The following LCLAT1 variants were observed in gnomAD, a reference collection of about 807,000 sequenced individuals.
The protein encoded by LCLAT1 is lysocardiolipin acyltransferase 1, also known as 1-AGP acyltransferase 8.
In LCLAT1, 11 loss-of-function variants were observed where a neutral mutation model predicts 30.7. The ratio of observed to expected loss-of-function variants is 0.36; its 90% CI spans 0.23 to 0.59. The LOEUF (loss-of-function observed/expected upper bound fraction) is 0.59, where lower values mean the gene tolerates loss of function less well. Ranked by LOEUF, LCLAT1 falls within the 20% of genes least tolerant of loss-of-function variation. The probability of loss-of-function intolerance (pLI) is 0.77; values close to 1 mark genes in which losing one functional copy is unlikely to be tolerated. For synonymous variants in LCLAT1, 155 were observed against 151.3 expected, an observed-to-expected ratio of 1.02 and a Z score of -0.18; for missense variants, 402 against 458.6, an observed-to-expected ratio of 0.88 and a Z score of 1.13.
chr2:30,474,891 A>G (rs1035299390), intron 1 of LCLAT1, among the ~76,000 whole-genome samples: 8 of 152,008 alleles, frequency 5.3e-5, no homozygotes, highest in South Asian at 2.1e-4. Context: ...GGCTCAAGCA[A>G]TTCTCCCACC....
chr2:30,570,770 G>A (rs1216106261), intron 5 of LCLAT1, among the ~76,000 whole-genome samples: 1 of 152,218 alleles, frequency 6.6e-6, no homozygotes, highest in African/African-American at 2.4e-5. Context: ...CCAGAACACG[G>A]AGAGATGGTA....
At chr2:30,568,296 T>C (rs935551961) in intron 5 of LCLAT1, 120 bp downstream of exon 5, 20 of 545,504 alleles carry the variant, frequency 3.7e-5, no homozygotes, top group South Asian at 2.1e-4. Context: ...AAATGAGATA[T>C]TGTATTTTTA....
At chr2:30,555,839 C>CTTTTTTTT (rs67813132) in intron 3 of LCLAT1, among the ~76,000 whole-genome samples, 1 of 127,110 alleles carries the variant, frequency 7.9e-6, no homozygotes, top group Non-Finnish European at 1.6e-5. Context: ...TTTTCTTTTT[C>CTTTTTTTT]TTTTTTTTTT....
At chr2:30,537,253 C>T (rs1305435045) in intron 3 of LCLAT1, among the ~76,000 whole-genome samples, 10 of 151,910 alleles carry the variant, frequency 6.6e-5, no homozygotes, top group Admixed American at 2.0e-4. Context: ...CGGTGGCGGG[C>T]GCCTATAGTC....
chr2:30,505,070 A>G (rs1684590591), intron 1 of LCLAT1, among the ~76,000 whole-genome samples: 1 of 152,162 alleles, frequency 6.6e-6, no homozygotes, highest in African/African-American at 2.4e-5. Flanking sequence ...TGGATGTACC[A>G]TAGTTAATTT....
At chr2:30,533,055 T>C (rs1686055323) in intron 2 of LCLAT1, 61 bp from the exon 3 acceptor site, 1 of 1,201,810 alleles carries the variant, frequency 8.3e-7, no homozygotes, top group Admixed American at 1.7e-5. Context: ...TAGGGCATGA[T>C]AAAATTTACC....
chr2:30,525,252 T>G (rs1290191014), intron 1 of LCLAT1, among the ~76,000 whole-genome samples: 1 of 152,162 alleles, frequency 6.6e-6, no homozygotes, highest in Non-Finnish European at 1.5e-5. Context: ...AAGTTTTGTA[T>G]TTTTAGTAGA....
At chr2:30,556,490 G>A (rs1664924063) in intron 3 of LCLAT1, among the ~76,000 whole-genome samples, 1 of 149,234 alleles carries the variant, frequency 6.7e-6, no homozygotes, top group East Asian at 2.0e-4. Context: ...GGGAGTATAA[G>A]AAACAGGAAA....
intron 1 of LCLAT1, among the ~76,000 whole-genome samples, chr2:30,508,210 A>G (rs188406638): frequency 1.3e-5 from 2 of 151,798 alleles, no homozygotes; most frequent in African/African-American, 4.8e-5. Context: ...GTTTGAAAAA[A>G]TTTTTTCCCT....
intron 1 of LCLAT1, among the ~76,000 whole-genome samples, chr2:30,470,476 G>A (rs1470827185): frequency 6.6e-6 from 1 of 152,160 alleles, no homozygotes; most frequent in Non-Finnish European, 1.5e-5. Context: ...TTTGGGAAAG[G>A]ACTATTATCA....
At chr2:30,595,780 A>T (rs1666903758) in intron 5 of LCLAT1, among the ~76,000 whole-genome samples, 1 of 152,148 alleles carries the variant, frequency 6.6e-6, no homozygotes, top group Middle Eastern at 3.4e-3. Context: ...GTATTTCCTG[A>T]TGCTTTCCCC....
At chr2:30,489,360 T>G (rs1485487064) in intron 1 of LCLAT1, 1 of 149,390 alleles carries the variant, frequency 6.7e-6, no homozygotes, top group Non-Finnish European at 1.5e-5. Context: ...TTTCTTTCTT[T>G]TTTTTTTTTT....
chr2:30,570,769 G>T (rs371139052), intron 5 of LCLAT1, among the ~76,000 whole-genome samples: 1 of 152,310 alleles, frequency 6.6e-6, no homozygotes, highest in East Asian at 1.9e-4. Flanking sequence ...GCCAGAACAC[G>T]GAGAGATGGT....
chr2:30,560,127 G>T (rs912671565), intron 3 of LCLAT1, among the ~76,000 whole-genome samples: 1 of 152,170 alleles, frequency 6.6e-6, no homozygotes, highest in African/African-American at 2.4e-5. Context: ...GTACAGTCAT[G>T]TCCAATATTG....
chr2:30,578,305 A>G (rs940643308), intron 5 of LCLAT1, among the ~76,000 whole-genome samples: 1 of 152,170 alleles, frequency 6.6e-6, no homozygotes, highest in Non-Finnish European at 1.5e-5. Context: ...GTTTTGTCAT[A>G]GAATTTTAAA....
rs1008066489 is a variant in LCLAT1, at chr2:30,621,172, T to C, written c.629-18945T>C. ...ATTGTTATTCTCCCTGCTTAAATTT[T>C]AGGATCAGTAACTACTCATCCAGAT... On this transcript the variant is annotated intron_variant, in intron 5 of 5. Transcript: ENST00000379509. Among the ~76,000 whole-genome samples the C allele has an allele frequency of 2.0e-5, 3 of 152,310 alleles. No homozygotes were observed. In the East Asian group the frequency reaches 5.8e-4, roughly 29 times the overall value.
chr2:30,604,660 CAA>C (rs71405526), intron 5 of LCLAT1, among the ~76,000 whole-genome samples: 3,355 of 95,742 alleles, frequency 0.035, 47 homozygotes, highest in African/African-American at 0.096. Context: ...GACTCCGTCT[CAA>C]AAAAAAAAAA....
At chr2:30,519,784 G>T (rs368005079) in intron 1 of LCLAT1, among the ~76,000 whole-genome samples, 1 of 152,140 alleles carries the variant, frequency 6.6e-6, no homozygotes, top group Non-Finnish European at 1.5e-5. Flanking sequence ...GTCCCCTCCC[G>T]TTGTATGGGA....
At chr2:30,535,975 A>C (rs1230636386) in intron 3 of LCLAT1, among the ~76,000 whole-genome samples, 1 of 152,164 alleles carries the variant, frequency 6.6e-6, no homozygotes, top group Admixed American at 6.5e-5. Flanking sequence ...ATCATAAAAA[A>C]GAATCAAATC....
Sources: allele counts gnomAD v4.1 joint callset (sites outside exome capture counted in the v4.1 genomes callset), GRCh38; gene constraint gnomAD v4.1.1; transcripts MANE v1.5; gene names NCBI Gene and HGNC (gene_info 2026-07-23, HGNC 2026-07-21).